Variants in ENTPD5 observed in about 807,000 individuals in gnomAD.
ENTPD5 encodes the protein nucleoside diphosphate phosphatase ENTPD5.
A neutral mutation model predicts 60.2 loss-of-function variants in ENTPD5; 49 were observed. The observed-to-expected ratio is 0.81, with a 90% CI of 0.65 to 1.03. ENTPD5 has a LOEUF of 1.03. Ranked by LOEUF, ENTPD5 falls within the 50% of genes least tolerant of loss-of-function variation. The pLI is 0.00. For synonymous variants in ENTPD5, 187 were observed against 185.4 expected, an observed-to-expected ratio of 1.01 and a Z score of -0.07; for missense variants, 480 against 507.6, an observed-to-expected ratio of 0.95 and a Z score of 0.52.
chr14:73,993,549 A>G (rs1324267243), intron 3 of ENTPD5, among the ~76,000 whole-genome samples: 1 of 152,200 alleles, frequency 6.6e-6, no homozygotes, highest in African/African-American at 2.4e-5. Flanking sequence ...CTGATACAGG[A>G]TAGCTGCCTG....
intron 3 of ENTPD5, among the ~76,000 whole-genome samples, chr14:74,004,376 C>T (rs538179370): frequency 6.6e-6 from 1 of 152,210 alleles, no homozygotes; most frequent in East Asian, 1.9e-4. Flanking sequence ...CCATATTGGC[C>T]AGGCTCAAAC....
chr14:73,977,936 C>T (rs953509193), intron 6 of ENTPD5, among the ~76,000 whole-genome samples: 2 of 152,196 alleles, frequency 1.3e-5, no homozygotes, highest in Non-Finnish European at 2.9e-5. Context: ...CTTGCAAAAA[C>T]ATCTTGCCTC....
intron 6 of ENTPD5, among the ~76,000 whole-genome samples, chr14:73,981,781 T>A (rs2057700283): frequency 6.7e-6 from 1 of 149,488 alleles, no homozygotes; most frequent in Admixed American, 6.7e-5. Flanking sequence ...CACTCAAGCT[T>A]GGAAGACAGA....
Position 73,970,045 on chromosome 14 carries a change from C to A in ENTPD5, c.1165G>T (p.Asp389Tyr). Residue 389 changes from aspartate (D) to tyrosine (Y), a missense_variant, in exon 15 of 16, where the codon GAT becomes TAT. Asp to Tyr is a radical substitution (Grantham distance 160, BLOSUM62 -3). Transcript: ENST00000334696. ...DLSYITALLK[D>Y]GFGFADSTVL... is the part of the protein sequence containing the mutation. The stretch of plus-strand genomic sequence containing the variant: ...GTGCTGTCTGCAAAGCCAAAGCCAT[C>A]CTTTAACAGGGCTGTGATGTAGCTG... The A allele has an allele frequency of 6.2e-7, 1 of 1,613,916 alleles. No homozygotes were observed. The highest frequency in any genetic ancestry group is 8.5e-7 in the Non-Finnish European group (1 of 1,179,858).
chr14:73,984,831 G>A (rs190464860), intron 5 of ENTPD5, among the ~76,000 whole-genome samples: 308 of 151,980 alleles, frequency 2.0e-3, no homozygotes, highest in Non-Finnish European at 3.5e-3. Flanking sequence ...CATGTGCCAC[G>A]TTGGTGGGCT....
chr14:73,977,388 A>T lies in ENTPD5; in HGVS notation c.442-14T>A. ...GATCTCCTTTACCTAGAGAAAAAGG[A>T]AAAAAAAAAAAAAAGAATTCCCTAA... On this transcript the variant is annotated splice_polypyrimidine_tract_variant and intron_variant, in intron 6 of 15. Transcript: ENST00000334696. 7.8e-6 allele frequency: 4 copies of T among 512,558 alleles called. No homozygotes were observed. Among genetic ancestry groups the T allele is most frequent in the East Asian group, 1.3e-4 (1 of 7,430 alleles). 31.8% of individuals were successfully genotyped at this position (512,558 alleles called of 1,614,324 possible).
At chr14:73,990,459 C>A (rs12893501) in intron 3 of ENTPD5, among the ~76,000 whole-genome samples, 2 of 151,296 alleles carry the variant, frequency 1.3e-5, no homozygotes, top group African/African-American at 4.8e-5. Context: ...CTTAGCCTCC[C>A]GAGTAGTTGG....
chr14:73,988,270 C>G, intron 3 of ENTPD5, 98 bp from the exon 4 acceptor site: 1 of 1,172,752 alleles, frequency 8.5e-7, no homozygotes, highest in Non-Finnish European at 1.2e-6. Context: ...TGTTCCTTCC[C>G]TATTCTAATA....
chr14:73,958,986 C>A, downstream of ENTPD5: 1 of 1,613,950 alleles, frequency 6.2e-7, no homozygotes, highest in South Asian at 1.1e-5. Context: ...TGCAGATGGT[C>A]ACAACTCCGG....
chr14:73,977,164 CAT>C, intron 7 of ENTPD5, 105 bp from the exon 8 acceptor site: 1 of 1,268,834 alleles, frequency 7.9e-7, no homozygotes, highest in Non-Finnish European at 1.1e-6. Flanking sequence ...GTCTAGAGCA[CAT>C]GTTCCCTTCT....
At chr14:73,969,937 T>C in intron 15 of ENTPD5, 73 bp downstream of exon 15, 1 of 1,059,926 alleles carries the variant, frequency 9.4e-7, no homozygotes, top group Non-Finnish European at 1.5e-6. Flanking sequence ...CTCTGATTAC[T>C]GAACAAGCTC....
chr14:74,001,202 T>A (rs1256420977), intron 3 of ENTPD5, among the ~76,000 whole-genome samples: 1 of 151,480 alleles, frequency 6.6e-6, no homozygotes, highest in African/African-American at 2.4e-5. Context: ...TACAAAATAT[T>A]AAAAAATTAG....
Position 73,973,887 on chromosome 14 carries a change from GC to G in ENTPD5, c.875del (p.Gly292AlafsTer17). The stretch of plus-strand genomic sequence containing the variant: ...AAAAACATCACTTGCCTTCTTGGTT[GC>G]CACCATACTGGTATTTCACACCCCC... ...IFGGVKYQYG[G>X]NQEGEVGFEP... On this transcript the variant is annotated frameshift_variant, in exon 12 of 16. Transcript: ENST00000334696. LOFTEE classifies it high-confidence loss of function. 6.2e-7 allele frequency: 1 copy of G among 1,613,618 alleles called. No individual in the cohort carries two copies. The highest frequency in any genetic ancestry group is 2.2e-5 in the East Asian group (1 of 44,882).
intron 4 of ENTPD5, among the ~76,000 whole-genome samples, chr14:73,987,423 C>A (rs2057947480): frequency 1.3e-5 from 2 of 152,326 alleles, no homozygotes; most frequent in East Asian, 3.9e-4. Flanking sequence ...TGGTGACTTA[C>A]ACCTATAATC....
intron 5 of ENTPD5, among the ~76,000 whole-genome samples, chr14:73,986,060 A>G (rs990065143): frequency 6.9e-6 from 1 of 145,362 alleles, no homozygotes; most frequent in African/African-American, 2.5e-5. Flanking sequence ...TAACAGAGTG[A>G]TACTCCGTCA....
intron 2 of ENTPD5, among the ~76,000 whole-genome samples, chr14:74,012,416 T>C (rs1266966924): frequency 6.6e-6 from 1 of 152,212 alleles, no homozygotes; most frequent in Non-Finnish European, 1.5e-5. Context: ...TGGGACTCAT[T>C]CATCTTTGAA....
chr14:73,999,685 A>C (rs968027398), intron 3 of ENTPD5, among the ~76,000 whole-genome samples: 7 of 152,030 alleles, frequency 4.6e-5, no homozygotes, highest in African/African-American at 1.7e-4. Flanking sequence ...CCAGCTACTC[A>C]GGAGGGTGAG....
At chr14:73,963,085 A>G, downstream of ENTPD5, 1 of 1,120,854 alleles carries the variant, frequency 8.9e-7, no homozygotes, top group Non-Finnish European at 1.4e-6. Flanking sequence ...GATCTTATTT[A>G]ATTTAATAAA....
intron 3 of ENTPD5, among the ~76,000 whole-genome samples, chr14:73,999,556 G>T (rs2058441673): frequency 6.6e-6 from 1 of 152,142 alleles, no homozygotes; most frequent in Non-Finnish European, 1.5e-5. Context: ...AGCACTTTGG[G>T]AGGCCAAGGT....
Sources: gnomAD v4.1 joint callset for allele counts (sites outside exome capture counted in the v4.1 genomes callset) on GRCh38, gnomAD v4.1.1 for gene constraint, MANE v1.5 for transcripts, NCBI Gene and HGNC (gene_info 2026-07-23, HGNC 2026-07-21) for gene names.